The following GYS2 variants were observed in gnomAD, a reference collection of about 807,000 sequenced individuals.
GYS2 encodes the protein glycogen [starch] synthase, liver.
A neutral mutation model predicts 85.6 loss-of-function variants in GYS2; 80 were observed. That is an observed-to-expected ratio of 0.93 (90% CI 0.78 to 1.13). The LOEUF (loss-of-function observed/expected upper bound fraction) is 1.13, where lower values mean the gene tolerates loss of function less well. Among genes scored for constraint, GYS2 ranks in the 50% most tolerant of loss-of-function variants. The probability of loss-of-function intolerance (pLI) is 0.00; values close to 1 mark genes in which losing one functional copy is unlikely to be tolerated. For missense variants in GYS2, 881 were observed against 854.9 expected (o/e 1.03, Z -0.38); for synonymous variants, 328 against 300.7 (o/e 1.09, Z -0.94).
At chr12:21,600,815 T>G (rs1301511631) in intron 1 of GYS2, among the ~76,000 whole-genome samples, 1 of 152,176 alleles carries the variant, frequency 6.6e-6, no homozygotes, top group Non-Finnish European at 1.5e-5. Context: ...GACTCATTAT[T>G]ATAATTTCTT....
At position 21,568,982 on chromosome 12, in the gene GYS2, T is replaced by G; in HGVS notation, c.706A>C (p.Arg236=). Residue 236 remains arginine, a synonymous_variant, in exon 5 of 16, where the codon AGG becomes CGG. Transcript: ENST00000261195. ...ATGCAGTACCGGTGGTAAATCTGCC[T>G]TTCCCCAGCCTCTTTGTCAATGTTA... The part of the protein sequence containing the change: ...KFNIDKEAGE[R]QIYHRYCMER... 6.2e-7 allele frequency: 1 copy of G among 1,614,102 alleles called. No homozygotes were observed. The highest frequency in any genetic ancestry group is 8.5e-7 in the Non-Finnish European group (1 of 1,179,950).
chr12:21,590,268 A>G (rs1341893200), intron 1 of GYS2, among the ~76,000 whole-genome samples: 1 of 152,156 alleles, frequency 6.6e-6, no homozygotes, highest in Non-Finnish European at 1.5e-5. Flanking sequence ...GCCGGTGTCC[A>G]CACACACCAC....
intron 1 of GYS2, among the ~76,000 whole-genome samples, chr12:21,588,870 CA>C (rs1944602871): frequency 6.6e-6 from 1 of 152,192 alleles, no homozygotes; most frequent in South Asian, 2.1e-4. Flanking sequence ...AGCCAATTTG[CA>C]AGGGCAACTA....
chr12:21,604,542 C>G lies in GYS2; in HGVS notation c.51G>C (p.Gln17His), dbSNP rs749251980. 1.2e-6 allele frequency: 2 copies of G among 1,612,366 alleles called. No homozygotes were observed. Among genetic ancestry groups the G allele is most frequent in the African/African-American group, 2.7e-5 (2 of 74,870 alleles). Reference sequence around the variant, plus strand: ...CCACAGGAAGTTCTTCGACTTCCCACTGGGGAAGCCCACCCAGGGATGTTA... The same window carrying G: ...CCACAGGAAGTTCTTCGACTTCCCAGTGGGGAAGCCCACCCAGGGATGTTA... Reference protein sequence around the residue: ...LSVTSLGGLPQWEVEELPVEE... With the variant: ...LSVTSLGGLPHWEVEELPVEE... Residue 17 changes from glutamine (Q) to histidine (H), a missense_variant, in exon 1 of 16, where the codon CAG becomes CAC. Physicochemically the swap from Gln to His is conservative, Grantham distance 24. Transcript: ENST00000261195.
chr12:21,537,339 A>G (rs1371189173), intron 15 of GYS2, 164 bp from the exon 16 acceptor site: 2 of 656,832 alleles, frequency 3.0e-6, no homozygotes, highest in African/African-American at 1.8e-5. Context: ...ACCAATCTCA[A>G]GAGGGATTCA....
rs527848661 is a variant in GYS2 at position 21,536,719 on chromosome 12, G to T, written c.*235C>A. The T allele has an allele frequency of 9.0e-6, 5 of 554,296 alleles. No homozygotes were observed. The highest frequency in any genetic ancestry group is 1.6e-5 in the Non-Finnish European group (5 of 311,330). The allele number at this position is 554,296 out of a possible 1,614,324, so 34.3% of individuals were successfully genotyped here. The stretch of plus-strand genomic sequence containing the variant: ...CACTTTTCCGTCTTCTGCCTTTAAT[G>T]AGTGCTCCTCCTCATGCCTAACTTT... On this transcript the variant is annotated 3_prime_UTR_variant, in exon 16 of 16. Transcript: ENST00000261195.
At chr12:21,604,435 G>T in intron 1 of GYS2, 37 bp downstream of exon 1, 1 of 1,201,612 alleles carries the variant, frequency 8.3e-7, no homozygotes, top group Non-Finnish European at 1.2e-6. Flanking sequence ...GTCACCTAGT[G>T]AAGGTGTACT....
At chr12:21,546,608 CAA>C in intron 11 of GYS2, 138 bp from the exon 12 acceptor site, 1 of 613,460 alleles carries the variant, frequency 1.6e-6, no homozygotes, top group Non-Finnish European at 2.8e-6. Context: ...AGAGATAAGA[CAA>C]AAGAAAAAGA....
At chr12:21,557,132 A>G (rs1276065825) in intron 11 of GYS2, among the ~76,000 whole-genome samples, 3 of 152,226 alleles carry the variant, frequency 2.0e-5, no homozygotes, top group Non-Finnish European at 2.9e-5. Flanking sequence ...TTAATTATCA[A>G]TTAGGTCATC....
chr12:21,577,853 C>A (rs1565606592), intron 2 of GYS2, among the ~76,000 whole-genome samples: 1 of 152,102 alleles, frequency 6.6e-6, no homozygotes, highest in Non-Finnish European at 1.5e-5. Context: ...ATATAAAACA[C>A]CTTTGAAATG....
At chr12:21,588,328 A>G (rs1944596586) in intron 1 of GYS2, among the ~76,000 whole-genome samples, 1 of 152,262 alleles carries the variant, frequency 6.6e-6, no homozygotes, top group Non-Finnish European at 1.5e-5. Flanking sequence ...AGTCACAATC[A>G]ATGGTCACAA....
At chr12:21,543,085 A>G (rs899705582) in intron 12 of GYS2, among the ~76,000 whole-genome samples, 2 of 152,212 alleles carry the variant, frequency 1.3e-5, no homozygotes, top group Non-Finnish European at 2.9e-5. Flanking sequence ...CCACTCTCTC[A>G]GGAGCTCAAT....
intron 15 of GYS2, chr12:21,537,443 A>C (rs2417995): frequency 0.73 from 329,428 of 453,024 alleles, 121,914 homozygotes; most frequent in East Asian, 0.8. Context: ...ACTCTGATAA[A>C]TATGTTTTTT....
rs1335303493 is a variant in GYS2 at position 21,558,255 on chromosome 12, A to G, written c.1367T>C (p.Ile456Thr). Residue 456 changes from isoleucine to threonine, a missense_variant, in exon 11 of 16, where the codon ATC (isoleucine) becomes ACC (threonine). Physicochemically the swap from Ile to Thr is moderately conservative, Grantham distance 89. Transcript: ENST00000261195. ...HNMIDDSTDPILSTIRRIGLF... is the reference protein window; with the variant it reads ...HNMIDDSTDPTLSTIRRIGLF... The stretch of plus-strand genomic sequence containing the variant: ...TCCAATCCGTCTAATGGTGCTGAGG[A>G]TGGGGTCGGTGGAGTCATCAATCAT... 6.2e-7 allele frequency: 1 copy of G among 1,614,020 alleles called. No individual in the cohort carries two copies. The highest frequency in any genetic ancestry group is 8.5e-7 in the Non-Finnish European group (1 of 1,179,926).
chr12:21,578,571 C>T (rs1591802250), intron 2 of GYS2, among the ~76,000 whole-genome samples: 1 of 152,314 alleles, frequency 6.6e-6, no homozygotes, highest in East Asian at 1.9e-4. Flanking sequence ...CTTTCTTGAA[C>T]TTCCCTAGTT....
Position 21,558,246 on chromosome 12 carries a change from G to A in GYS2, c.1376C>T (p.Thr459Ile). Residue 459 changes from threonine (T) to isoleucine (I), a missense_variant, in exon 11 of 16, where the codon ACC (threonine) becomes ATC (isoleucine). Physicochemically the swap from Thr to Ile is moderately conservative, Grantham distance 89. Transcript: ENST00000261195. ...GTTGAAAAGTCCAATCCGTCTAATG[G>A]TGCTGAGGATGGGGTCGGTGGAGTC... ...IDDSTDPILS[T>I]IRRIGLFNNR... 2 of 1,613,884 alleles carry A rather than the reference G, an allele frequency of 1.2e-6. No individual in the cohort carries two copies. The highest frequency in any genetic ancestry group is 1.7e-6 in the Non-Finnish European group (2 of 1,179,782).
At chr12:21,557,299 A>G (rs549066967) in intron 11 of GYS2, among the ~76,000 whole-genome samples, 1 of 152,322 alleles carries the variant, frequency 6.6e-6, no homozygotes, top group Admixed American at 6.5e-5. Context: ...CATGCCTGGA[A>G]TACAGCAGGC....
chr12:21,563,178 G>C, intron 6 of GYS2, 50 bp downstream of exon 6: 4 of 1,233,636 alleles, frequency 3.2e-6, no homozygotes, highest in Non-Finnish European at 4.8e-6. Context: ...CTCTACCAAA[G>C]ATCACTCATA....
intron 4 of GYS2, 59 bp from the exon 5 acceptor site, chr12:21,569,068 A>C: frequency 6.4e-7 from 1 of 1,565,506 alleles, no homozygotes; most frequent in Admixed American, 1.7e-5. Flanking sequence ...ACACAAGCTA[A>C]ACAAAATCAC....
Sources: allele counts gnomAD v4.1 joint callset (sites outside exome capture counted in the v4.1 genomes callset), GRCh38; gene constraint gnomAD v4.1.1; transcripts MANE v1.5; gene names NCBI Gene and HGNC (gene_info 2026-07-23, HGNC 2026-07-21).